CSMD1: variants seen among roughly 807,000 people sequenced by gnomAD.
CSMD1 encodes the protein CUB and sushi domain-containing protein 1.
A neutral mutation model predicts 417.5 loss-of-function variants in CSMD1; 213 were observed. The ratio of observed to expected loss-of-function variants is 0.51; its 90% CI spans 0.46 to 0.57. The LOEUF is 0.57. Among genes scored for constraint, CSMD1 ranks in the 20% least tolerant of loss-of-function variants. CSMD1 has a pLI of 0.00. For synonymous variants in CSMD1, 2,862 were observed against 1,736.8 expected, an observed-to-expected ratio of 1.65 and a Z score of -16.11; for missense variants, 6,923 against 4,529.7, an observed-to-expected ratio of 1.53 and a Z score of -15.17.
intron 3 of CSMD1, among the ~76,000 whole-genome samples, chr8:4,248,623 T>C (rs1053621838): frequency 3.9e-5 from 6 of 152,196 alleles, no homozygotes; most frequent in Non-Finnish European, 1.5e-5. Flanking sequence ...AAAAGACCTT[T>C]TCTGATCACT....
chr8:4,766,231 A>C (rs1351516179), intron 1 of CSMD1, among the ~76,000 whole-genome samples: 1 of 152,182 alleles, frequency 6.6e-6, no homozygotes, highest in Admixed American at 6.5e-5. Context: ...CGTTGGCAAC[A>C]AGTGGAATGA....
chr8:3,919,107 T>C (rs1809037184), intron 5 of CSMD1, among the ~76,000 whole-genome samples: 1 of 151,736 alleles, frequency 6.6e-6, no homozygotes, highest in Non-Finnish European at 1.5e-5. Context: ...ATTGTTTCTT[T>C]TGCTGTGCAG....
chr8:3,832,588 A>C (rs1418022253), intron 5 of CSMD1, among the ~76,000 whole-genome samples: 1 of 152,202 alleles, frequency 6.6e-6, no homozygotes, highest in Non-Finnish European at 1.5e-5. Context: ...AAACAAAAAC[A>C]GAAATAACAC....
chr8:3,428,937 C>T (rs1287101214), intron 12 of CSMD1, among the ~76,000 whole-genome samples: 1 of 152,180 alleles, frequency 6.6e-6, no homozygotes, highest in African/African-American at 2.4e-5. Flanking sequence ...GAGCCAGTGA[C>T]AGAAAGACAA....
intron 5 of CSMD1, among the ~76,000 whole-genome samples, chr8:3,898,669 G>A (rs1304927267): frequency 6.6e-6 from 1 of 152,194 alleles, no homozygotes; most frequent in East Asian, 1.9e-4. Context: ...CCTGGTATTT[G>A]TTGGTTTGTT....
chr8:4,980,421 T>G (rs1810824276), intron 1 of CSMD1, among the ~76,000 whole-genome samples: 1 of 152,000 alleles, frequency 6.6e-6, no homozygotes, highest in Non-Finnish European at 1.5e-5. Flanking sequence ...CTTGTGTGTG[T>G]GGGAAGGAAG....
intron 21 of CSMD1, 58 bp from the exon 22 acceptor site, chr8:3,348,219 C>G (rs1472093514): frequency 1.0e-5 from 14 of 1,398,106 alleles, no homozygotes; most frequent in Non-Finnish European, 1.4e-5. Flanking sequence ...CTGTTTTTAA[C>G]AGATTAAAAA....
chr8:4,851,337 C>T (rs1026492224), intron 1 of CSMD1, among the ~76,000 whole-genome samples: 9 of 152,012 alleles, frequency 5.9e-5, no homozygotes, highest in South Asian at 4.2e-4. Flanking sequence ...TTTCTCGCCC[C>T]CTTTTTAAGC....
chr8:4,548,932 C>A (rs1797747217), intron 2 of CSMD1, among the ~76,000 whole-genome samples: 2 of 152,070 alleles, frequency 1.3e-5, no homozygotes, highest in Admixed American at 6.6e-5. Context: ...CTCTTACCTC[C>A]ATATTTGATC....
At chr8:4,694,426 A>C (rs1288574596) in intron 1 of CSMD1, among the ~76,000 whole-genome samples, 1 of 151,930 alleles carries the variant, frequency 6.6e-6, no homozygotes, top group Non-Finnish European at 1.5e-5. Flanking sequence ...ATCTTGGGTC[A>C]CTGCAACCCC....
At chr8:4,783,769 T>G (rs994109955) in intron 1 of CSMD1, among the ~76,000 whole-genome samples, 4 of 152,202 alleles carry the variant, frequency 2.6e-5, no homozygotes, top group African/African-American at 9.6e-5. Context: ...ATCCAGCTGG[T>G]GATGCCTCAT....
intron 47 of CSMD1, among the ~76,000 whole-genome samples, chr8:3,096,287 G>A (rs1815290259): frequency 6.6e-6 from 1 of 152,118 alleles, no homozygotes; most frequent in Non-Finnish European, 1.5e-5. Flanking sequence ...ATCTCTTCTT[G>A]AATTGTAAAT....
At chr8:3,143,302 G>C (rs7829891) in intron 40 of CSMD1, among the ~76,000 whole-genome samples, 6,259 of 152,160 alleles carry the variant, frequency 0.041, 435 homozygotes, top group African/African-American at 0.14. Context: ...ATTTTCTATT[G>C]TGTTACGTGT....
At chr8:3,476,837 G>C (rs1817455817) in intron 11 of CSMD1, among the ~76,000 whole-genome samples, 1 of 149,398 alleles carries the variant, frequency 6.7e-6, no homozygotes, top group Non-Finnish European at 1.5e-5. Flanking sequence ...GGAATGGCTT[G>C]AACCTGGGAA....
intron 3 of CSMD1, among the ~76,000 whole-genome samples, chr8:4,214,561 G>T (rs909805662): frequency 2.6e-5 from 4 of 152,168 alleles, no homozygotes; most frequent in African/African-American, 9.7e-5. Context: ...GCCTCCCAAA[G>T]TGCTGGAATT....
chr8:4,044,020 C>G lies in CSMD1; in HGVS notation c.416-11921G>C, dbSNP rs1319525737. 6.4e-5 allele frequency among the ~76,000 whole-genome samples: 9 copies of G among 139,620 alleles called. No individual in the cohort carries two copies. In the East Asian group the frequency reaches 1.6e-3, roughly 25 times the overall value. The allele number at this position is 139,620 out of a possible 152,430, so 91.6% of individuals were successfully genotyped here. ...TCAGAAAGAAATAATTTTGGCAAAG[C>G]TTAATTAAAAAAAAACGCTGAATAA... On this transcript the variant is annotated intron_variant, in intron 3 of 69. Transcript: ENST00000635120.
At chr8:4,369,796 T>A (rs1802296696) in intron 3 of CSMD1, among the ~76,000 whole-genome samples, 1 of 152,194 alleles carries the variant, frequency 6.6e-6, no homozygotes, top group Admixed American at 6.5e-5. Flanking sequence ...TAGATCTTTA[T>A]CCATCCCTTT....
intron 51 of CSMD1, among the ~76,000 whole-genome samples, chr8:3,024,831 T>C (rs1585175377): frequency 6.6e-6 from 1 of 152,174 alleles, no homozygotes; most frequent in African/African-American, 2.4e-5. Flanking sequence ...GAAACATACA[T>C]AGATAATGAC....
chr8:2,941,585 C>G (rs646184), intron 69 of CSMD1, among the ~76,000 whole-genome samples: 1,526 of 152,264 alleles, frequency 0.01, 21 homozygotes, highest in African/African-American at 0.035. Flanking sequence ...CAAAATAATT[C>G]TTTTCTTCTG....
Sources: allele counts gnomAD v4.1 joint callset (sites outside exome capture counted in the v4.1 genomes callset), GRCh38; gene constraint gnomAD v4.1.1; transcripts MANE v1.5; gene names NCBI Gene and HGNC (gene_info 2026-07-23, HGNC 2026-07-21).